The following GATAD2A variants were observed in gnomAD, a reference collection of about 807,000 sequenced individuals.
The protein encoded by GATAD2A is GATA zinc finger domain containing 2A, also known as transcriptional repressor p66-alpha.
A neutral mutation model predicts 68.5 loss-of-function variants in GATAD2A; 12 were observed. That is an observed-to-expected ratio of 0.18 (90% CI 0.11 to 0.28). The LOEUF is 0.28. GATAD2A is among the 10% of genes least tolerant of loss of function. GATAD2A has a pLI of 1.00. For missense variants in GATAD2A, 755 were observed against 868.5 expected (o/e 0.87, Z 1.64); for synonymous variants, 410 against 375.3 (o/e 1.09, Z -1.07).
chr19:19,414,660 C>A (rs547098150), intron 1 of GATAD2A, among the ~76,000 whole-genome samples: 1 of 150,628 alleles, frequency 6.6e-6, no homozygotes, highest in Admixed American at 6.6e-5. Context: ...CCTCATCCTC[C>A]CAAGTAGCTG....
chr19:19,405,668 G>T (rs568171066), upstream of GATAD2A: 8 of 151,868 alleles, frequency 5.3e-5, no homozygotes, highest in African/African-American at 1.7e-4. Context: ...CCCGCCCCTC[G>T]GTCGCCACGC....
At chr19:19,406,110 G>GT (rs2050202585) in intron 1 of GATAD2A, 91 bp downstream of exon 1, 1 of 152,420 alleles carries the variant, frequency 6.6e-6, no homozygotes, top group Non-Finnish European at 1.5e-5. Flanking sequence ...TCGGGGCCTC[G>GT]GGGGGCTCTG....
intron 2 of GATAD2A, among the ~76,000 whole-genome samples, chr19:19,475,430 G>C (rs907330299): frequency 9.2e-5 from 14 of 152,192 alleles, no homozygotes; most frequent in Admixed American, 6.5e-5. Context: ...CCCAGAGTCA[G>C]GGTCCAGACA....
At chr19:19,389,350 T>C (rs2146815649) in intron 1 of GATAD2A, among the ~76,000 whole-genome samples, 1 of 152,360 alleles carries the variant, frequency 6.6e-6, no homozygotes, top group East Asian at 1.9e-4. Flanking sequence ...CAACAAGTTC[T>C]TCCCTCTGAC....
intron 1 of GATAD2A, among the ~76,000 whole-genome samples, chr19:19,408,284 G>A (rs1159630016): frequency 1.3e-5 from 2 of 152,106 alleles, no homozygotes; most frequent in Admixed American, 6.6e-5. Context: ...CACGCCTGGC[G>A]GATGCATTGT....
intron 1 of GATAD2A, among the ~76,000 whole-genome samples, chr19:19,451,569 C>T (rs545208374): frequency 2.0e-5 from 3 of 152,300 alleles, no homozygotes; most frequent in South Asian, 4.1e-4. Flanking sequence ...GAGTTGAGGA[C>T]GTTCTGTGGC....
intron 1 of GATAD2A, among the ~76,000 whole-genome samples, chr19:19,386,783 C>T (rs2048463345): frequency 6.6e-6 from 1 of 152,148 alleles, no homozygotes; most frequent in African/African-American, 2.4e-5. Context: ...AGGGAACCCC[C>T]ACCTCTCTGA....
At chr19:19,453,316 C>G (rs898752921) in intron 1 of GATAD2A, among the ~76,000 whole-genome samples, 2 of 152,206 alleles carry the variant, frequency 1.3e-5, no homozygotes, top group Non-Finnish European at 1.5e-5. Flanking sequence ...TAATTTCCTT[C>G]TACCAGGGAC....
At chr19:19,410,989 T>C (rs1239280192) in intron 1 of GATAD2A, among the ~76,000 whole-genome samples, 1 of 152,234 alleles carries the variant, frequency 6.6e-6, no homozygotes, top group African/African-American at 2.4e-5. Flanking sequence ...CTGTAACAGA[T>C]GAGCCAGAGT....
chr19:19,451,415 C>G (rs117737752), intron 1 of GATAD2A, among the ~76,000 whole-genome samples: 1 of 152,132 alleles, frequency 6.6e-6, no homozygotes, highest in Admixed American at 6.5e-5. Flanking sequence ...TCAGGCTCCT[C>G]GTGCTGCAGA....
At chr19:19,412,044 G>A (rs996491034) in intron 1 of GATAD2A, among the ~76,000 whole-genome samples, 1 of 151,244 alleles carries the variant, frequency 6.6e-6, no homozygotes, top group African/African-American at 2.4e-5. Flanking sequence ...TTCGAGACCC[G>A]CCTGGGCAAT....
chr19:19,424,676 C>T lies in GATAD2A; in HGVS notation c.-7+18657C>T, dbSNP rs544073669. Among the ~76,000 whole-genome samples, 28 of 152,202 alleles carry T rather than the reference C, an allele frequency of 1.8e-4. 2 individuals carry two copies. In the South Asian group the frequency reaches 2.1e-3, roughly 11 times the overall value. On this transcript the variant is annotated intron_variant, in intron 1 of 11. Coordinates refer to ENST00000683918, the MANE Select transcript of GATAD2A (RefSeq NM_001384528.1). ...GCATGAGCCATCATGCCTGGCCTGG[C>T]GCTTTACTTTTGACCATGTGACACA...
At chr19:19,407,567 G>A (rs1010843557) in intron 1 of GATAD2A, among the ~76,000 whole-genome samples, 2 of 152,182 alleles carry the variant, frequency 1.3e-5, no homozygotes, top group Non-Finnish European at 2.9e-5. Flanking sequence ...TGCAGTTTGC[G>A]AACCCTAGTG....
intron 1 of GATAD2A, among the ~76,000 whole-genome samples, chr19:19,425,025 T>C (rs1252178961): frequency 2.0e-5 from 3 of 151,320 alleles, no homozygotes; most frequent in Non-Finnish European, 1.5e-5. Flanking sequence ...GTAGGAGGAT[T>C]GCTTGAGGCC....
chr19:19,505,465 G>T lies in GATAD2A; in HGVS notation c.1896G>T (p.Thr632=). The T allele has an allele frequency of 1.9e-6, 3 of 1,601,654 alleles. No individual in the cohort carries two copies. Among genetic ancestry groups the T allele is most frequent in the Non-Finnish European group, 2.6e-6 (3 of 1,174,018 alleles). ...IPPRSIPQSA[T]WK ...CCCGCTCCATCCCCCAGTCAGCCACGTGGAAATAGTGCGAGCCAGGCCCCG... is the reference window on the plus strand; with the variant it reads ...CCCGCTCCATCCCCCAGTCAGCCACTTGGAAATAGTGCGAGCCAGGCCCCG... The change falls in exon 12 of 12, where the codon ACG becomes ACT. Residue 632 remains threonine, a synonymous_variant. Transcript: ENST00000683918.
chr19:19,474,505 C>T (rs991581444), intron 2 of GATAD2A, among the ~76,000 whole-genome samples: 2 of 152,114 alleles, frequency 1.3e-5, no homozygotes, highest in Non-Finnish European at 2.9e-5. Flanking sequence ...CTTTGGGGTC[C>T]GGCTTCCTTC....
rs981943401 is a variant in GATAD2A at position 19,506,544 on chromosome 19, G to T, written c.*1070G>T. 24 of 170,298 alleles carry T rather than the reference G, an allele frequency of 1.4e-4. No individual in the cohort carries two copies. Among genetic ancestry groups the T allele is most frequent in the Non-Finnish European group, 2.6e-4 (21 of 80,698 alleles). 10.5% of individuals were successfully genotyped at this position (170,298 alleles called of 1,614,324 possible). Reference sequence around the variant, plus strand: ...GCGAGCCGCTGCGCACAGATGTCAGGATTTCCGTTTGGGTCTAGTTTAGAA... The same window carrying T: ...GCGAGCCGCTGCGCACAGATGTCAGTATTTCCGTTTGGGTCTAGTTTAGAA... On this transcript the variant is annotated 3_prime_UTR_variant, in exon 12 of 12. Coordinates refer to ENST00000683918, the MANE Select transcript of GATAD2A (RefSeq NM_001384528.1).
At chr19:19,504,086 C>T (rs771507713) in intron 11 of GATAD2A, among the ~76,000 whole-genome samples, 2 of 152,248 alleles carry the variant, frequency 1.3e-5, no homozygotes, top group East Asian at 3.9e-4. Context: ...TCTGTGGTCC[C>T]AGCTACTCAG....
chr19:19,495,776 G>A lies in GATAD2A; in HGVS notation c.647G>A (p.Gly216Asp). ...CAGACCTCTTCAGCTCGGATGCCCG[G>A]CAGTGTCATACCCCCGCCCCTGGTC... ...SLQTSSARMP[G>D]SVIPPPLVRG... Residue 216 changes from glycine to aspartate, a missense_variant, in exon 6 of 12, where the codon GGC (glycine) becomes GAC (aspartate). Gly to Asp is a moderately conservative substitution (Grantham distance 94). Coordinates refer to ENST00000683918, the MANE Select transcript of GATAD2A (RefSeq NM_001384528.1). The A allele has an allele frequency of 1.2e-6, 2 of 1,612,226 alleles. No homozygotes were observed. Among genetic ancestry groups the A allele is most frequent in the Non-Finnish European group, 1.7e-6 (2 of 1,178,594 alleles).
Sources: allele counts gnomAD v4.1 joint callset (sites outside exome capture counted in the v4.1 genomes callset), GRCh38; gene constraint gnomAD v4.1.1; transcripts MANE v1.5; gene names NCBI Gene and HGNC (gene_info 2026-07-23, HGNC 2026-07-21).